Variants in DRC11 observed in about 807,000 individuals in gnomAD.
DRC11 encodes the protein IQ and AAA domain-containing protein 1.
the DRC11 span, among the ~76,000 whole-genome samples, chr2:236,342,271 G>A: frequency 6.6e-6 from 1 of 152,194 alleles, no homozygotes; most frequent in Non-Finnish European, 1.5e-5. This position sits in a 1 kb window ranked among gnomAD's most constrained non-coding sequence, Gnocchi z 5.8. Context: ...TGGGATCAGG[G>A]CAGCCTTTGG....
the DRC11 span, among the ~76,000 whole-genome samples, chr2:236,433,576 CT>C: frequency 6.6e-6 from 1 of 152,166 alleles, no homozygotes; most frequent in Non-Finnish European, 1.5e-5. Context: ...CGATTGCTTT[CT>C]GCATGTTAAT....
At chr2:236,503,709 G>A in the DRC11 span, 5 of 1,550,066 alleles carry the variant, frequency 3.2e-6, no homozygotes, top group South Asian at 4.8e-5. The surrounding 1 kb of genome is among the most constrained non-coding windows in gnomAD (Gnocchi z 4.9). Flanking sequence ...CTGGCTTCCT[G>A]CTCCCCAGCT....
chr2:236,368,460 C>A, the DRC11 span: 1 of 585,932 alleles, frequency 1.7e-6, no homozygotes, highest in Non-Finnish European at 3.0e-6. Flanking sequence ...CATCTTTTCT[C>A]AGATAAAGGT....
At chr2:236,488,058 G>A in the DRC11 span, 9 of 1,606,030 alleles carry the variant, frequency 5.6e-6, no homozygotes, top group Non-Finnish European at 7.7e-6. Context: ...AAGCATCTTG[G>A]ATTGCTTTGC....
the DRC11 span, among the ~76,000 whole-genome samples, chr2:236,447,513 A>G: frequency 6.8e-6 from 1 of 147,800 alleles, no homozygotes; most frequent in Non-Finnish European, 1.5e-5. The surrounding 1 kb of genome is among the most constrained non-coding windows in gnomAD (Gnocchi z 4.6). Context: ...TAAGAGGATC[A>G]CTCCTACAGA....
the DRC11 span, among the ~76,000 whole-genome samples, chr2:236,445,154 A>C: frequency 2.6e-5 from 4 of 152,182 alleles, no homozygotes; most frequent in African/African-American, 7.2e-5. This position sits in a 1 kb window ranked among gnomAD's most constrained non-coding sequence, Gnocchi z 4.8. Flanking sequence ...TCGTATTGTA[A>C]AGCTTGAGTG....
chr2:236,482,537 T>A, the DRC11 span, among the ~76,000 whole-genome samples: 1 of 152,218 alleles, frequency 6.6e-6, no homozygotes, highest in Non-Finnish European at 1.5e-5. This position sits in a 1 kb window ranked among gnomAD's most constrained non-coding sequence, Gnocchi z 4.5. Flanking sequence ...ACCTTGTCAA[T>A]AATTATAATT....
the DRC11 span, among the ~76,000 whole-genome samples, chr2:236,319,383 C>T: frequency 6.6e-6 from 1 of 152,222 alleles, no homozygotes. The surrounding 1 kb of genome is among the most constrained non-coding windows in gnomAD (Gnocchi z 6.7). Context: ...AGGCTCTGCC[C>T]AGGCTGCAGC....
the DRC11 span, among the ~76,000 whole-genome samples, chr2:236,404,131 C>T: frequency 5.2e-5 from 6 of 114,724 alleles, no homozygotes; most frequent in Admixed American, 1.1e-4. Flanking sequence ...CACTGTCAGA[C>T]AACTTTTTTG....
the DRC11 span, among the ~76,000 whole-genome samples, chr2:236,401,634 G>A: frequency 4.5e-4 from 69 of 152,312 alleles, no homozygotes; most frequent in African/African-American, 1.5e-3. This position sits in a 1 kb window ranked among gnomAD's most constrained non-coding sequence, Gnocchi z 4.6. Flanking sequence ...CGGAGGAAGC[G>A]TGAAGACCTA....
At chr2:236,345,720 C>A in the DRC11 span, among the ~76,000 whole-genome samples, 13 of 152,206 alleles carry the variant, frequency 8.5e-5, no homozygotes, top group Non-Finnish European at 1.2e-4. Flanking sequence ...CTTCAAAGCA[C>A]CCCTGTGATA....
chr2:236,393,229 G>T, the DRC11 span, among the ~76,000 whole-genome samples: 1 of 152,174 alleles, frequency 6.6e-6, no homozygotes, highest in Non-Finnish European at 1.5e-5. The surrounding 1 kb of genome is among the most constrained non-coding windows in gnomAD (Gnocchi z 4.7). Context: ...CCACTTCACT[G>T]GGAGCTGCCT....
At chr2:236,444,158 T>C in the DRC11 span, among the ~76,000 whole-genome samples, 2 of 152,266 alleles carry the variant, frequency 1.3e-5, no homozygotes, top group Non-Finnish European at 2.9e-5. Flanking sequence ...ACTCTGATGA[T>C]AGTTTCTTCT....
At chr2:236,338,454 G>A in the DRC11 span, 4 of 1,353,630 alleles carry the variant, frequency 3.0e-6, no homozygotes, top group Non-Finnish European at 4.1e-6. Flanking sequence ...AATTTACTTA[G>A]GATGCATTGC....
At chr2:236,437,007 T>C in the DRC11 span, among the ~76,000 whole-genome samples, 4 of 151,766 alleles carry the variant, frequency 2.6e-5, no homozygotes, top group South Asian at 2.1e-4. Context: ...TAGTTACATA[T>C]GTATACATGT....
chr2:236,427,741 G>A, the DRC11 span, among the ~76,000 whole-genome samples: 1 of 151,556 alleles, frequency 6.6e-6, no homozygotes, highest in African/African-American at 2.4e-5. The surrounding 1 kb of genome is among the most constrained non-coding windows in gnomAD (Gnocchi z 5.9). Flanking sequence ...ATTTATTTTT[G>A]TTCTTATCTT....
the DRC11 span, among the ~76,000 whole-genome samples, chr2:236,507,091 G>A: frequency 2.6e-5 from 4 of 152,034 alleles, no homozygotes; most frequent in Non-Finnish European, 4.4e-5. Flanking sequence ...ACTCTATCCC[G>A]AGGCATATTT....
chr2:236,391,802 C>T, the DRC11 span, among the ~76,000 whole-genome samples: 1 of 152,206 alleles, frequency 6.6e-6, no homozygotes, highest in African/African-American at 2.4e-5. This position sits in a 1 kb window ranked among gnomAD's most constrained non-coding sequence, Gnocchi z 4.5. Flanking sequence ...TATGAATCCA[C>T]AGGCCCAAAG....
At chr2:236,321,230 A>G in the DRC11 span, among the ~76,000 whole-genome samples, 1 of 152,192 alleles carries the variant, frequency 6.6e-6, no homozygotes, top group Non-Finnish European at 1.5e-5. Context: ...ATGGAATAGC[A>G]AAAGGGTGGA....
Sources: allele counts gnomAD v4.1 joint callset (sites outside exome capture counted in the v4.1 genomes callset), GRCh38; gene constraint gnomAD v4.1.1; non-coding constraint Gnocchi (gnomAD v3.1); transcripts MANE v1.5; gene names NCBI Gene and HGNC (gene_info 2026-07-23, HGNC 2026-07-21).